The following PBRM1 variants were observed in gnomAD, a reference collection of about 807,000 sequenced individuals.
The protein encoded by PBRM1 is protein polybromo-1.
Under a neutral mutation model 194.5 loss-of-function variants are expected in PBRM1, and 27 were observed. The observed-to-expected ratio is 0.14, with a 90% CI of 0.10 to 0.19. The LOEUF (loss-of-function observed/expected upper bound fraction) is 0.19. Ranked by LOEUF, PBRM1 falls within the 10% of genes least tolerant of loss-of-function variation. The pLI is 1.00. For missense variants in PBRM1, 1,466 were observed against 2,077.2 expected (o/e 0.71, Z 5.72); for synonymous variants, 655 against 693.2 (o/e 0.94, Z 0.87).
intron 25 of PBRM1, 116 bp downstream of exon 27, chr3:52,561,651 C>T (rs2083566289): frequency 2.2e-6 from 2 of 903,732 alleles, no homozygotes; most frequent in Non-Finnish European, 1.8e-6. Context: ...TGGAACAGTC[C>T]CCAAAATAAA....
Position 52,619,684 on chromosome 3 carries a change from T to G in PBRM1, c.1542-2146A>C, listed in dbSNP as rs189981055. On this transcript the variant is annotated intron_variant, in intron 13 of 29. Coordinates refer to ENST00000296302, the Ensembl canonical transcript of PBRM1. Reference sequence around the variant, plus strand: ...TCTTCTGGTCCAGTCCCCTGACTACTTGCACTACTCCTGGGTCATGAAGAA... The same window carrying G: ...TCTTCTGGTCCAGTCCCCTGACTACGTGCACTACTCCTGGGTCATGAAGAA... 1.7e-4 allele frequency among the ~76,000 whole-genome samples: 26 copies of G among 152,316 alleles called. No individual in the cohort carries two copies. The East Asian group carries it at 4.6e-3, about 27-fold the overall frequency.
chr3:52,580,241 A>C (rs1292621365), intron 20 of PBRM1, among the ~76,000 whole-genome samples: 2 of 152,192 alleles, frequency 1.3e-5, no homozygotes, highest in South Asian at 2.1e-4. Context: ...CCCTATCTCA[A>C]ACAAAAGAAA....
chr3:52,620,804 A>G (rs964822619), intron 13 of PBRM1, among the ~76,000 whole-genome samples: 5 of 152,162 alleles, frequency 3.3e-5, no homozygotes, highest in Non-Finnish European at 5.9e-5. Context: ...TTTATTCCTT[A>G]AGTAAAGGAT....
chr3:52,566,529 A>G (rs1381888418), intron 22 of PBRM1, among the ~76,000 whole-genome samples: 1 of 152,234 alleles, frequency 6.6e-6, no homozygotes, highest in Non-Finnish European at 1.5e-5. Context: ...CCTTGAAAAC[A>G]TTAGGCTAAG....
At chr3:52,653,081 T>C (rs1359854784) in intron 5 of PBRM1, among the ~76,000 whole-genome samples, 1 of 152,188 alleles carries the variant, frequency 6.6e-6, no homozygotes, top group African/African-American at 2.4e-5. Context: ...AGAAATAAAG[T>C]AGAAGAAATG....
chr3:52,682,913 A>C (rs2154079241), upstream of PBRM1, among the ~76,000 whole-genome samples: 1 of 152,048 alleles, frequency 6.6e-6, no homozygotes, highest in South Asian at 2.1e-4. Flanking sequence ...AAAATACAAA[A>C]ATTTAGCTGG....
At chr3:52,677,254 G>C (rs1305449716) in intron 2 of PBRM1, among the ~76,000 whole-genome samples, 2 of 152,102 alleles carry the variant, frequency 1.3e-5, no homozygotes, top group African/African-American at 4.8e-5. Flanking sequence ...CGTACAAAAT[G>C]AAAAGGCAAC....
At chr3:52,678,584 T>C in exon 2 of PBRM1, 2 of 1,608,106 alleles carry the variant, frequency 1.2e-6, no homozygotes, top group Non-Finnish European at 1.7e-6. Flanking sequence ...ATAGAGTTCA[T>C]GGCACACGGC....
At chr3:52,663,494 A>T (rs2096768154) in intron 3 of PBRM1, among the ~76,000 whole-genome samples, 1 of 152,258 alleles carries the variant, frequency 6.6e-6, no homozygotes, top group Non-Finnish European at 1.5e-5. Context: ...CTTAACAAAG[A>T]CAGGCCAGTC....
At chr3:52,675,379 C>G (rs749788666) in intron 2 of PBRM1, among the ~76,000 whole-genome samples, 3 of 152,192 alleles carry the variant, frequency 2.0e-5, no homozygotes, top group Non-Finnish European at 4.4e-5. Context: ...GCTAGCATTA[C>G]TCTGATACCA....
chr3:52,659,144 T>C (rs1471980723), intron 4 of PBRM1, among the ~76,000 whole-genome samples: 1 of 152,214 alleles, frequency 6.6e-6, no homozygotes, highest in Non-Finnish European at 1.5e-5. Flanking sequence ...ACACCATTTC[T>C]GTTCTTTAGA....
At chr3:52,582,681 T>C (rs971596099) in intron 20 of PBRM1, among the ~76,000 whole-genome samples, 12 of 152,082 alleles carry the variant, frequency 7.9e-5, no homozygotes, top group Non-Finnish European at 1.6e-4. Context: ...ATTCCCATAC[T>C]GATAAAATAT....
chr3:52,597,567 A>AT (rs899880806), intron 17 of PBRM1, among the ~76,000 whole-genome samples: 6 of 151,550 alleles, frequency 4.0e-5, no homozygotes, highest in South Asian at 2.1e-4. Context: ...AGAGACTAGA[A>AT]TTTTTTTTTG....
chr3:52,570,842 C>T (rs149355343), intron 22 of PBRM1, among the ~76,000 whole-genome samples: 3 of 150,676 alleles, frequency 2.0e-5, no homozygotes, highest in Admixed American at 6.6e-5. Flanking sequence ...TGTGTGTGTG[C>T]GCACATGTGT....
intron 16 of PBRM1, 126 bp from the exon 19 acceptor site, chr3:52,603,858 G>A (rs2094165126): frequency 1.2e-6 from 1 of 848,638 alleles, no homozygotes; most frequent in South Asian, 1.9e-5. Flanking sequence ...GGTCTATGAA[G>A]AGTATCTTTC....
chr3:52,587,177 T>C (rs1278457401), intron 19 of PBRM1, among the ~76,000 whole-genome samples, 176 bp downstream of exon 21: 1 of 152,234 alleles, frequency 6.6e-6, no homozygotes, highest in African/African-American at 2.4e-5. Context: ...AAGTGGTCTT[T>C]CACAACGAAG....
intron 17 of PBRM1, among the ~76,000 whole-genome samples, chr3:52,596,533 C>T (rs1163064622): frequency 6.8e-6 from 1 of 146,852 alleles, no homozygotes; most frequent in Non-Finnish European, 1.5e-5. Context: ...TTATTCAGGG[C>T]CCAAGGGCTC....
chr3:52,676,581 T>C (rs1450805508), intron 2 of PBRM1, among the ~76,000 whole-genome samples: 1 of 152,208 alleles, frequency 6.6e-6, no homozygotes, highest in Non-Finnish European at 1.5e-5. Context: ...CGGGTATGTC[T>C]TTATCAGCAG....
At chr3:52,580,781 T>G (rs901328247) in intron 20 of PBRM1, among the ~76,000 whole-genome samples, 2 of 152,214 alleles carry the variant, frequency 1.3e-5, no homozygotes, top group Non-Finnish European at 2.9e-5. Context: ...AAGATAATGA[T>G]AGTGTGGCCA....
Sources: gnomAD v4.1 joint callset for allele counts (sites outside exome capture counted in the v4.1 genomes callset) on GRCh38, gnomAD v4.1.1 for gene constraint, MANE v1.5 for transcripts, NCBI Gene and HGNC (gene_info 2026-07-23, HGNC 2026-07-21) for gene names.